The following PCDHGA5 variants were observed in gnomAD, a reference collection of about 807,000 sequenced individuals.
The protein encoded by PCDHGA5 is protocadherin gamma subfamily A, 5.
Under a neutral mutation model 56.7 loss-of-function variants are expected in PCDHGA5, and 36 were observed. The ratio of observed to expected loss-of-function variants is 0.64; its 90% CI spans 0.49 to 0.84. The LOEUF (loss-of-function observed/expected upper bound fraction) is 0.84. PCDHGA5 is among the 40% of genes least tolerant of loss of function. The probability of loss-of-function intolerance (pLI) is 0.00; values close to 1 mark genes in which losing one functional copy is unlikely to be tolerated. For missense variants in PCDHGA5, 1,305 were observed against 1,201.5 expected, an observed-to-expected ratio of 1.09 and a Z score of -1.27; for synonymous variants, 563 against 520.2, an observed-to-expected ratio of 1.08 and a Z score of -1.12.
intron 1 of PCDHGA5, chr5:141,385,450 CA>C (rs1781205135): frequency 4.1e-6 from 6 of 1,446,726 alleles, no homozygotes; most frequent in Admixed American, 5.7e-5. Context: ...ATGAGTTTAC[CA>C]GTTTCCTTCA....
intron 1 of PCDHGA5, among the ~76,000 whole-genome samples, chr5:141,369,595 C>T (rs1362731201): frequency 6.6e-6 from 1 of 152,190 alleles, no homozygotes; most frequent in Non-Finnish European, 1.5e-5. Flanking sequence ...TACTATACTT[C>T]TATTTTATAA....
chr5:141,366,387 A>G lies in PCDHGA5; in HGVS notation c.2057A>G (p.Asp686Gly). ...ATCAAGACCCCCATTGACCCTGAGGATCTGGACCTCACACTCTATCTTGTG... is the reference window on the plus strand; with the variant it reads ...ATCAAGACCCCCATTGACCCTGAGGGTCTGGACCTCACACTCTATCTTGTG... ...GSIKTPIDPE[D>G]LDLTLYLVVA... The change falls in exon 1 of 4, where the codon GAT (aspartate) becomes GGT (glycine). Residue 686 changes from aspartate (D) to glycine (G), a missense_variant. By Grantham distance (94) the Asp-to-Gly change is moderately conservative. Transcript: ENST00000518069. The G allele has an allele frequency of 6.2e-7, 1 of 1,614,088 alleles. No individual in the cohort carries two copies. The highest frequency in any genetic ancestry group is 2.2e-5 in the East Asian group (1 of 44,890).
In PCDHGA5 at chr5:141,476,802, C is replaced by T; in HGVS notation, c.2422-18005C>T. 2 of 1,613,638 alleles carry T rather than the reference C, an allele frequency of 1.2e-6. No homozygotes were observed. The highest frequency in any genetic ancestry group is 1.7e-6 in the Non-Finnish European group (2 of 1,180,020). On this transcript the variant is annotated intron_variant, in intron 1 of 3. Coordinates refer to ENST00000518069, the MANE Select transcript of PCDHGA5 (RefSeq NM_018918.3). The surrounding 1 kb of genome is among the most constrained non-coding windows in gnomAD (Gnocchi z 7.6). ...ACCCCAGCTCTCTCCGCCAGCCTGC[C>T]TATTCACATCAAGGTGCTGGACGCG... is the stretch of plus-strand genomic sequence containing the variant.
chr5:141,456,427 T>A (rs1156577293), intron 1 of PCDHGA5, among the ~76,000 whole-genome samples: 1 of 152,166 alleles, frequency 6.6e-6, no homozygotes, highest in East Asian at 1.9e-4. Context: ...ATTCAAGTTA[T>A]AGTATTGAGT....
rs1163353349 is a variant in PCDHGA5, at chr5:141,489,426, G to C, written c.2422-5381G>C. 6.2e-7 allele frequency: 1 copy of C among 1,614,012 alleles called. No homozygotes were observed. The highest frequency in any genetic ancestry group is 1.3e-5 in the African/African-American group (1 of 74,922). ...TAAAGATGACAGATCTGTTGAGCCGGCGGCTGCAATTGGGCTCTGAGGAGA... is the reference window on the plus strand; with the variant it reads ...TAAAGATGACAGATCTGTTGAGCCGCCGGCTGCAATTGGGCTCTGAGGAGA... On this transcript the variant is annotated intron_variant, in intron 1 of 3. Transcript: ENST00000518069. The surrounding 1 kb of genome is among the most constrained non-coding windows in gnomAD (Gnocchi z 4.5).
chr5:141,511,823 GC>G lies in PCDHGA5; in HGVS notation c.*653del, dbSNP rs2099883963. On this transcript the variant is annotated 3_prime_UTR_variant, in exon 4 of 4. Coordinates refer to ENST00000518069, the MANE Select transcript of PCDHGA5 (RefSeq NM_018918.3). The stretch of plus-strand genomic sequence containing the variant: ...TTTTGCTACCAAGCCTCTTCCCAAC[GC>G]CCTGGGGACCAGTCTTCTGTTTTGT... The G allele has an allele frequency of 6.4e-6, 1 of 156,728 alleles. No individual in the cohort carries two copies. The highest frequency in any genetic ancestry group is 1.9e-4 in the South Asian group (1 of 5,164). 9.7% of individuals were successfully genotyped at this position (156,728 alleles called of 1,614,324 possible).
chr5:141,438,386 T>C (rs757664430), intron 1 of PCDHGA5, among the ~76,000 whole-genome samples: 1 of 151,778 alleles, frequency 6.6e-6, no homozygotes, highest in Admixed American at 6.6e-5. Flanking sequence ...AATTTCTTAG[T>C]TCATCATTAA....
chr5:141,385,264 G>T (rs879420336), intron 1 of PCDHGA5: 21 of 1,613,712 alleles, frequency 1.3e-5, no homozygotes, highest in Non-Finnish European at 1.6e-5. Flanking sequence ...TGAGAAAAAT[G>T]ATTCTTTGCT....
At chr5:141,480,698 C>T (rs1394538159) in intron 1 of PCDHGA5, among the ~76,000 whole-genome samples, 1 of 152,198 alleles carries the variant, frequency 6.6e-6, no homozygotes, top group Admixed American at 6.5e-5. Context: ...ACCCAGGCCA[C>T]ACCCCGACAA....
intron 1 of PCDHGA5, chr5:141,405,119 C>A: frequency 1.2e-6 from 2 of 1,614,024 alleles, no homozygotes; most frequent in South Asian, 1.1e-5. Context: ...GCACTCCTCG[C>A]ATCTGCTGCG....
intron 1 of PCDHGA5, among the ~76,000 whole-genome samples, chr5:141,436,150 T>A (rs1270913305): frequency 6.6e-6 from 1 of 152,182 alleles, no homozygotes; most frequent in African/African-American, 2.4e-5. Flanking sequence ...ACTACCAAAA[T>A]GTTTATCATA....
chr5:141,428,479 T>A (rs577865239), intron 1 of PCDHGA5: 1 of 328,682 alleles, frequency 3.0e-6, no homozygotes, highest in African/African-American at 2.1e-5. Flanking sequence ...TTTGCTTTAT[T>A]CCTGCAATCT....
At chr5:141,464,976 A>G (rs2154568682) in intron 1 of PCDHGA5, among the ~76,000 whole-genome samples, 1 of 152,214 alleles carries the variant, frequency 6.6e-6, no homozygotes, top group East Asian at 1.9e-4. Flanking sequence ...TACTGGCTTC[A>G]AGTGATCCTC....
At position 141,376,251 on chromosome 5, in the gene PCDHGA5, G is replaced by A. The variant is rs748938190; in HGVS notation, c.2421+9500G>A. 11 of 1,614,110 alleles carry A rather than the reference G, an allele frequency of 6.8e-6. No individual in the cohort carries two copies. The East Asian group carries it at 1.8e-4, about 26-fold the overall frequency. On this transcript the variant is annotated intron_variant, in intron 1 of 3. Transcript: ENST00000518069. ...AGACTGCAGCGCTGGCACAAGTCAC[G>A]CCTGCTGCAGGCTTCGGGAGGTGGC...
chr5:141,409,608 C>T, intron 1 of PCDHGA5: 18 of 1,613,942 alleles, frequency 1.1e-5, no homozygotes, highest in Non-Finnish European at 1.4e-5. Flanking sequence ...CCGCCAGGAG[C>T]CTCCATTGCG....
At chr5:141,428,255 G>C in intron 1 of PCDHGA5, 1 of 875,580 alleles carries the variant, frequency 1.1e-6, no homozygotes, top group Non-Finnish European at 1.8e-6. Flanking sequence ...CCAGACTTCA[G>C]TGACAGTCCT....
chr5:141,392,970 G>A (rs2092639280), intron 1 of PCDHGA5: 1 of 1,613,778 alleles, frequency 6.2e-7, no homozygotes, highest in Non-Finnish European at 8.5e-7. Flanking sequence ...CAAGGACCTG[G>A]GGCTGGACCC....
chr5:141,500,430 C>T (rs2099800127), intron 2 of PCDHGA5, among the ~76,000 whole-genome samples: 1 of 151,676 alleles, frequency 6.6e-6, no homozygotes, highest in African/African-American at 2.4e-5. Context: ...AGGATGGTCT[C>T]GATCTCCTGA....
intron 1 of PCDHGA5, among the ~76,000 whole-genome samples, chr5:141,406,273 G>C (rs1366399912): frequency 6.6e-6 from 1 of 151,898 alleles, no homozygotes; most frequent in Non-Finnish European, 1.5e-5. Context: ...TCCTGCTTCA[G>C]TTTCCCAAAG....
Sources: gnomAD v4.1 joint callset for allele counts (sites outside exome capture counted in the v4.1 genomes callset) on GRCh38, gnomAD v4.1.1 for gene constraint, Gnocchi (gnomAD v3.1) non-coding constraint, MANE v1.5 for transcripts, NCBI Gene and HGNC (gene_info 2026-07-23, HGNC 2026-07-21) for gene names.